TWIST2: variants seen among roughly 807,000 people sequenced by gnomAD.
TWIST2 encodes twist family bHLH transcription factor 2.
TWIST2 carries 1 observed loss-of-function variant against 11.6 expected under a neutral mutation model. That is an observed-to-expected ratio of 0.09 (90% CI 0.03 to 0.41). The LOEUF (loss-of-function observed/expected upper bound fraction) is 0.41. TWIST2 is among the 10% of genes least tolerant of loss of function. TWIST2 has a pLI of 0.98. For missense variants in TWIST2, 168 were observed against 226.4 expected (o/e 0.74, Z 1.66); for synonymous variants, 87 against 96.6 (o/e 0.90, Z 0.58).
chr2:238,896,813 C>T (rs1025915413), intron 1 of TWIST2, among the ~76,000 whole-genome samples: 38 of 152,262 alleles, frequency 2.5e-4, no homozygotes, highest in African/African-American at 4.8e-4. Context: ...ACCATGGGCA[C>T]GTGGTGGCCT....
chr2:238,872,106 G>A (rs1053990074), intron 1 of TWIST2, among the ~76,000 whole-genome samples: 5 of 152,168 alleles, frequency 3.3e-5, no homozygotes, highest in Admixed American at 6.5e-5. Context: ...CATATTAACC[G>A]GAAGGCAGGT....
At chr2:238,860,799 G>A (rs1316233129) in intron 1 of TWIST2, among the ~76,000 whole-genome samples, 3 of 152,184 alleles carry the variant, frequency 2.0e-5, no homozygotes, top group Non-Finnish European at 4.4e-5. Context: ...TTAGCCGGAC[G>A]AGGTGGTGGG....
At chr2:238,882,222 C>CAG (rs1002192762) in intron 1 of TWIST2, among the ~76,000 whole-genome samples, 27 of 152,300 alleles carry the variant, frequency 1.8e-4, no homozygotes, top group African/African-American at 6.0e-4. Context: ...CTCCCAGCAG[C>CAG]AGCCCAGGTC....
chr2:238,900,981 C>G (rs1202347978), intron 1 of TWIST2, among the ~76,000 whole-genome samples: 6 of 148,976 alleles, frequency 4.0e-5, no homozygotes, highest in East Asian at 2.0e-4. Flanking sequence ...CTCCTTCCCC[C>G]CCGGCTTTTT....
intron 1 of TWIST2, among the ~76,000 whole-genome samples, chr2:238,878,623 AGTG>A (rs764233815): frequency 1.4e-4 from 22 of 152,336 alleles, no homozygotes; most frequent in Middle Eastern, 3.4e-3. Flanking sequence ...CTTTTTCTGC[AGTG>A]AAGTTGTGCT....
At chr2:238,868,204 A>G (rs1692578210) in intron 1 of TWIST2, among the ~76,000 whole-genome samples, 1 of 152,084 alleles carries the variant, frequency 6.6e-6, no homozygotes, top group South Asian at 2.1e-4. Context: ...CGTGGCTCCC[A>G]GGGGCTCTGC....
chr2:238,865,321 G>A (rs1203185003), intron 1 of TWIST2, among the ~76,000 whole-genome samples: 2 of 152,182 alleles, frequency 1.3e-5, no homozygotes, highest in Non-Finnish European at 2.9e-5. Flanking sequence ...CATTATGTCA[G>A]GGCTCTCTGC....
chr2:238,886,560 C>T (rs1693042343), intron 1 of TWIST2, among the ~76,000 whole-genome samples: 1 of 151,766 alleles, frequency 6.6e-6, no homozygotes, highest in Non-Finnish European at 1.5e-5. Flanking sequence ...TAAGGAAGTA[C>T]ACTTCTGGGC....
chr2:238,906,718 C>T (rs895363385), intron 1 of TWIST2, among the ~76,000 whole-genome samples: 3 of 152,176 alleles, frequency 2.0e-5, no homozygotes, highest in Non-Finnish European at 2.9e-5. Context: ...CCACATCCTC[C>T]CCCCAGTGCC....
At chr2:238,905,113 C>T (rs1375188051) in intron 1 of TWIST2, among the ~76,000 whole-genome samples, 5 of 152,080 alleles carry the variant, frequency 3.3e-5, no homozygotes, top group African/African-American at 1.2e-4. Flanking sequence ...AACGCCTTTC[C>T]CTTGGCCCAC....
intron 1 of TWIST2, among the ~76,000 whole-genome samples, chr2:238,895,021 T>G (rs938207496): frequency 6.6e-6 from 1 of 152,242 alleles, no homozygotes; most frequent in African/African-American, 2.4e-5. Flanking sequence ...AACTGTGAGC[T>G]GGCTGAGGCA....
chr2:238,880,332 A>C (rs1366485344), intron 1 of TWIST2, among the ~76,000 whole-genome samples: 2 of 134,278 alleles, frequency 1.5e-5, no homozygotes, highest in African/African-American at 5.7e-5. Flanking sequence ...TATTATTATT[A>C]GTGTTAGTGT....
At chr2:238,856,582 A>G (rs915696633) in intron 1 of TWIST2, among the ~76,000 whole-genome samples, 4 of 152,154 alleles carry the variant, frequency 2.6e-5, no homozygotes, top group Admixed American at 2.6e-4. Flanking sequence ...GGATGTGAAT[A>G]GGTCAAGTGA....
chr2:238,885,595 T>C (rs1230746599), intron 1 of TWIST2, among the ~76,000 whole-genome samples: 4 of 152,014 alleles, frequency 2.6e-5, no homozygotes, highest in Non-Finnish European at 1.5e-5. Context: ...CCAGGTGCCA[T>C]TGAGAGTGAT....
intron 1 of TWIST2, among the ~76,000 whole-genome samples, chr2:238,875,083 A>G (rs953939684): frequency 1.3e-5 from 2 of 152,194 alleles, no homozygotes; most frequent in African/African-American, 2.4e-5. Flanking sequence ...TCTTGCTACC[A>G]GAAGACTCAG....
intron 1 of TWIST2, among the ~76,000 whole-genome samples, chr2:238,860,018 G>A (rs1159266330): frequency 6.6e-6 from 1 of 152,146 alleles, no homozygotes; most frequent in Non-Finnish European, 1.5e-5. Flanking sequence ...TATCTGTAGT[G>A]GGGGAGTCTG....
chr2:238,881,437 G>A (rs1559278934), intron 1 of TWIST2, among the ~76,000 whole-genome samples: 2 of 151,618 alleles, frequency 1.3e-5, no homozygotes, highest in African/African-American at 2.4e-5. Flanking sequence ...ATTAGTGTCG[G>A]TATTTATTAG....
At chr2:238,871,670 A>AC (rs377577114) in intron 1 of TWIST2, among the ~76,000 whole-genome samples, 131 of 82,956 alleles carry the variant, frequency 1.6e-3, no homozygotes, top group African/African-American at 3.5e-3. Context: ...ACACACCATC[A>AC]CCCCCCCCCA....
At chr2:238,908,988 TGTA>T (rs1693405189) in intron 1 of TWIST2, among the ~76,000 whole-genome samples, 1 of 152,210 alleles carries the variant, frequency 6.6e-6, no homozygotes, top group Non-Finnish European at 1.5e-5. Flanking sequence ...GTGTGTAGTG[TGTA>T]GTATGTTTGT....
Sources: gnomAD v4.1 joint callset for allele counts (sites outside exome capture counted in the v4.1 genomes callset) on GRCh38, gnomAD v4.1.1 for gene constraint, MANE v1.5 for transcripts, NCBI Gene and HGNC (gene_info 2026-07-23, HGNC 2026-07-21) for gene names.